Variants in DGKG observed in about 807,000 individuals in gnomAD.
DGKG encodes diacylglycerol kinase gamma.
DGKG carries 78 observed loss-of-function variants against 105.3 expected under a neutral mutation model. The ratio of observed to expected loss-of-function variants is 0.74; its 90% confidence interval spans 0.62 to 0.89. The LOEUF is 0.89. Among genes scored for constraint, DGKG ranks in the 40% least tolerant of loss-of-function variants. The probability of loss-of-function intolerance (pLI) is 0.00; values close to 1 mark genes in which losing one functional copy is unlikely to be tolerated. For missense variants in DGKG, 958 were observed against 1,020.1 expected (o/e 0.94, Z 0.83); for synonymous variants, 346 against 367.1 (o/e 0.94, Z 0.66).
chr3:186,194,272 C>A (rs1170251961), intron 21 of DGKG, among the ~76,000 whole-genome samples: 1 of 152,188 alleles, frequency 6.6e-6, no homozygotes, highest in East Asian at 1.9e-4. Context: ...TCCTCTGCAC[C>A]CCCGCCCTTG....
In DGKG at chr3:186,257,925, C is replaced by T. The variant is rs375293347; in HGVS notation, c.1439G>A (p.Arg480His). The T allele has an allele frequency of 4.3e-6, 7 of 1,613,906 alleles. No individual in the cohort carries two copies. Among genetic ancestry groups the T allele is most frequent in the Non-Finnish European group, 5.9e-6 (7 of 1,179,960 alleles). Residue 480 changes from arginine (R) to histidine (H), a missense_variant, in exon 17 of 25, where the codon CGT becomes CAT. Coordinates refer to ENST00000265022, the MANE Select transcript of DGKG (RefSeq NM_001346.3). ...GGPTPGLNFF[R>H]DTPDFRVLAC... ...CAAAACACGGAAGTCTGGAGTATCA[C>T]GGAAAAAGTTCAACCTGGGAAGAAG...
chr3:186,175,864 A>G (rs1420475522), intron 22 of DGKG, among the ~76,000 whole-genome samples: 3 of 152,210 alleles, frequency 2.0e-5, no homozygotes, highest in Non-Finnish European at 4.4e-5. Flanking sequence ...TTTTTCTTTC[A>G]ATCCTTGTGG....
rs191004599 is a variant in DGKG at position 186,245,102 on chromosome 3, G to A, written c.1762-2534C>T. Among the ~76,000 whole-genome samples the A allele has an allele frequency of 9.9e-4, 150 of 152,278 alleles. 2 individuals carry two copies. Among genetic ancestry groups the A allele is most frequent in the African/African-American group, 3.1e-3 (128 of 41,566 alleles). On this transcript the variant is annotated intron_variant, in intron 19 of 24. Coordinates refer to ENST00000265022, the MANE Select transcript of DGKG (RefSeq NM_001346.3). ...TTCGCTATCCCCTACCCCCAATACT[G>A]CTGATTGACTCCCAGCTTTTTTATT...
intron 2 of DGKG, among the ~76,000 whole-genome samples, chr3:186,315,860 G>T (rs747773981): frequency 6.6e-6 from 1 of 152,130 alleles, no homozygotes. Context: ...TGTGAGCCAG[G>T]CCTGTGACTG....
At chr3:186,312,047 C>T (rs1227937215) in intron 2 of DGKG, among the ~76,000 whole-genome samples, 1 of 113,506 alleles carries the variant, frequency 8.8e-6, no homozygotes, top group Non-Finnish European at 1.6e-5. Flanking sequence ...ACCCGGGAAG[C>T]GGAGCTTGCA....
intron 22 of DGKG, among the ~76,000 whole-genome samples, chr3:186,175,307 G>C (rs1256756875): frequency 6.6e-6 from 1 of 152,196 alleles, no homozygotes; most frequent in Non-Finnish European, 1.5e-5. Flanking sequence ...ACTGAGGCAA[G>C]AGAAAGTGTG....
intron 23 of DGKG, among the ~76,000 whole-genome samples, chr3:186,163,406 T>C (rs1716393625): frequency 6.6e-6 from 1 of 152,174 alleles, no homozygotes; most frequent in Non-Finnish European, 1.5e-5. Context: ...CAGGCTCTTT[T>C]GGAGGCCTCT....
At chr3:186,333,027 C>G (rs894951598) in intron 1 of DGKG, among the ~76,000 whole-genome samples, 3 of 152,182 alleles carry the variant, frequency 2.0e-5, no homozygotes, top group African/African-American at 2.4e-5. Context: ...GTCCCTCAAC[C>G]TTGGACTTCT....
chr3:186,310,255 G>A (rs1224853942), intron 2 of DGKG, among the ~76,000 whole-genome samples: 1 of 42,372 alleles, frequency 2.4e-5, no homozygotes, highest in African/African-American at 9.8e-5. Flanking sequence ...AACAAAGCAA[G>A]ACTCCGTCTC....
In DGKG at chr3:186,194,475, C is replaced by A. The variant is rs182458235; in HGVS notation, c.1918-6096G>T. On this transcript the variant is annotated intron_variant, in intron 21 of 24. Coordinates refer to ENST00000265022, the MANE Select transcript of DGKG (RefSeq NM_001346.3). ...CACTCCAGCCCTGTCGATCCTATTT[C>A]TGAAGGGCCTTAGGGAAGGAGATTC... is the stretch of plus-strand genomic sequence containing the variant. 2.6e-5 allele frequency among the ~76,000 whole-genome samples: 4 copies of A among 152,366 alleles called. No individual in the cohort carries two copies. The East Asian group carries it at 7.7e-4, about 29-fold the overall frequency.
At chr3:186,183,515 G>T (rs1186093297) in intron 22 of DGKG, among the ~76,000 whole-genome samples, 1 of 150,600 alleles carries the variant, frequency 6.6e-6, no homozygotes, top group Non-Finnish European at 1.5e-5. Flanking sequence ...GGGGGGGGGC[G>T]GGGTAACTAC....
intron 1 of DGKG, among the ~76,000 whole-genome samples, chr3:186,326,595 C>G (rs571858670): frequency 6.6e-6 from 1 of 152,264 alleles, no homozygotes; most frequent in African/African-American, 2.4e-5. Context: ...TTGTTTCCAT[C>G]ATCTACAACA....
At chr3:186,278,493 T>C (rs1541613) in intron 9 of DGKG, among the ~76,000 whole-genome samples, 7,466 of 152,120 alleles carry the variant, frequency 0.049, 582 homozygotes, top group African/African-American at 0.17. Context: ...CTTGGGCAAG[T>C]TCCTTCATTT....
intron 1 of DGKG, among the ~76,000 whole-genome samples, chr3:186,345,901 T>C (rs976358424): frequency 6.6e-6 from 1 of 152,168 alleles, no homozygotes; most frequent in Non-Finnish European, 1.5e-5. Flanking sequence ...CCTGAGTAGC[T>C]GGGATTACAG....
In DGKG at chr3:186,297,421, C is replaced by A. The variant is rs1161777608; in HGVS notation, c.373G>T (p.Glu125Ter). The A allele has an allele frequency of 1.2e-6, 2 of 1,609,240 alleles. No homozygotes were observed. Among genetic ancestry groups the A allele is most frequent in the East Asian group, 4.5e-5 (2 of 44,886 alleles). The change falls in exon 5 of 25, where the codon GAA becomes TAA. Residue 125 changes from glutamate to a stop codon, truncating the protein, a stop_gained and splice_region_variant. Transcript: ENST00000265022. LOFTEE classifies it high-confidence loss of function. ...KADEACAPDTESNMAEKQAPA... is the reference protein window; with the variant it reads ...KADEACAPDT The stretch of plus-strand genomic sequence containing the variant: ...CAAGTCTTATATTCCAAAGACTTAC[C>A]AGTATCAGGGGCACAGGCCTCGTCT...
intron 22 of DGKG, among the ~76,000 whole-genome samples, chr3:186,174,048 C>T (rs1471188375): frequency 6.6e-6 from 1 of 152,226 alleles, no homozygotes; most frequent in East Asian, 1.9e-4. Context: ...GAGAATGTAC[C>T]CCTGTGACAG....
chr3:186,217,461 T>A (rs1719352096), intron 20 of DGKG, among the ~76,000 whole-genome samples: 1 of 152,194 alleles, frequency 6.6e-6, no homozygotes, highest in African/African-American at 2.4e-5. Flanking sequence ...CATGGAGAAA[T>A]GGCAAATACA....
intron 3 of DGKG, among the ~76,000 whole-genome samples, chr3:186,305,249 G>T (rs1724172374): frequency 6.6e-6 from 1 of 152,208 alleles, no homozygotes; most frequent in Non-Finnish European, 1.5e-5. Context: ...AGTTTTAGAT[G>T]AAGAAGGTGA....
chr3:186,181,433 T>C (rs1361341452), intron 22 of DGKG, among the ~76,000 whole-genome samples: 3 of 152,192 alleles, frequency 2.0e-5, no homozygotes, highest in African/African-American at 7.2e-5. Context: ...GTGCTACCCA[T>C]TTATAACCTT....
Sources: allele counts gnomAD v4.1 joint callset (sites outside exome capture counted in the v4.1 genomes callset), GRCh38; gene constraint gnomAD v4.1.1; transcripts MANE v1.5; gene names NCBI Gene and HGNC (gene_info 2026-07-23, HGNC 2026-07-21).